SEPTIN7: variants seen among roughly 807,000 people sequenced by gnomAD.
SEPTIN7 encodes septin 7.
SEPTIN7 carries 10 observed loss-of-function variants against 63.3 expected under a neutral mutation model. That is an observed-to-expected ratio of 0.16 (90% CI 0.10 to 0.27). The LOEUF is 0.27. SEPTIN7 is among the 10% of genes least tolerant of loss of function. The pLI, the probability that SEPTIN7 is intolerant of heterozygous loss-of-function variation, is 1.00. For missense variants in SEPTIN7, 310 were observed against 521.0 expected (o/e 0.59, Z 3.94); for synonymous variants, 131 against 165.3 (o/e 0.79, Z 1.59).
Position 35,890,653 on chromosome 7 carries a change from G to C in SEPTIN7, c.873-15G>C. The C allele has an allele frequency of 6.9e-7, 1 of 1,452,506 alleles. No individual in the cohort carries two copies. 90.0% of individuals were successfully genotyped at this position (1,452,506 alleles called of 1,614,324 possible). On this transcript the variant is annotated splice_polypyrimidine_tract_variant and intron_variant, in intron 10 of 13. Transcript: ENST00000350320. ...CTATTAATAGAAGCAAACTCTTGCT[G>C]TTTGTTTATGACAGAACACACATGC...
intron 12 of SEPTIN7, chr7:35,899,521 C>G (rs542772951): frequency 2.6e-5 from 4 of 152,304 alleles, no homozygotes; most frequent in African/African-American, 9.6e-5. Context: ...GGCGACAGAT[C>G]AAGACTTTGC....
At chr7:35,829,288 C>T (rs1307344517) in intron 1 of SEPTIN7, among the ~76,000 whole-genome samples, 1 of 151,874 alleles carries the variant, frequency 6.6e-6, no homozygotes, top group African/African-American at 2.4e-5. Flanking sequence ...TACAGGCACA[C>T]ATTGTCAGTC....
chr7:35,814,738 G>A (rs542921539), intron 1 of SEPTIN7, among the ~76,000 whole-genome samples: 2 of 151,938 alleles, frequency 1.3e-5, no homozygotes, highest in Non-Finnish European at 2.9e-5. Flanking sequence ...CACTTTGGGT[G>A]GCCAACGTGG....
intron 2 of SEPTIN7, among the ~76,000 whole-genome samples, chr7:35,832,429 T>G (rs1248888689): frequency 1.3e-5 from 2 of 152,070 alleles, no homozygotes; most frequent in African/African-American, 4.8e-5. Context: ...ATTCTTAATA[T>G]GATATGAAGG....
At chr7:35,914,831 C>T in the SEPTIN7 span, among the ~76,000 whole-genome samples, 6 of 151,370 alleles carry the variant, frequency 4.0e-5, no homozygotes, top group East Asian at 1.9e-4. Context: ...TAGATATGTA[C>T]GTGTGTGTAT....
intron 3 of SEPTIN7, among the ~76,000 whole-genome samples, chr7:35,855,424 G>A (rs1162907297): frequency 1.3e-5 from 2 of 152,140 alleles, no homozygotes; most frequent in East Asian, 3.8e-4. Flanking sequence ...CAAAAGGCAT[G>A]TAGATTTAAA....
Position 35,870,670 on chromosome 7 carries a change from C to G in SEPTIN7, c.277-1996C>G, listed in dbSNP as rs17172612. On this transcript the variant is annotated intron_variant, in intron 4 of 13. Coordinates refer to ENST00000350320, the MANE Select transcript of SEPTIN7 (RefSeq NM_001788.6). ...AGATCACCAGATAAAATGTAAACCT[C>G]CTAAACTAGATGAGATGATACCATT... 2.7e-3 allele frequency among the ~76,000 whole-genome samples: 403 copies of G among 152,036 alleles called. 2 individuals are homozygous for G. Among genetic ancestry groups the G allele is most frequent in the African/African-American group, 9.3e-3 (386 of 41,452 alleles).
At chr7:35,912,972 G>GTAAC in the SEPTIN7 span, among the ~76,000 whole-genome samples, 1 of 152,172 alleles carries the variant, frequency 6.6e-6, no homozygotes, top group Non-Finnish European at 1.5e-5. Context: ...GTAACTGCTT[G>GTAAC]TGCTTTTTTG....
chr7:35,815,950 A>G (rs1789030123), intron 1 of SEPTIN7, among the ~76,000 whole-genome samples: 1 of 152,036 alleles, frequency 6.6e-6, no homozygotes, highest in Admixed American at 6.6e-5. Flanking sequence ...GAGGTAATGG[A>G]TCTCATCAGT....
At chr7:35,888,823 CAAAAAAAA>C (rs70974780) in intron 10 of SEPTIN7, 14 of 187,784 alleles carry the variant, frequency 7.5e-5, no homozygotes, top group Admixed American at 1.4e-4. Context: ...GACCCTGTAT[CAAAAAAAA>C]AAAAAAAAAA....
chr7:35,814,340 A>C (rs139161439), intron 1 of SEPTIN7, among the ~76,000 whole-genome samples: 1 of 152,142 alleles, frequency 6.6e-6, no homozygotes, highest in South Asian at 2.1e-4. Context: ...GAGATAACTT[A>C]CTGTAATTTT....
chr7:35,808,599 T>C (rs1788501642), intron 1 of SEPTIN7, among the ~76,000 whole-genome samples: 1 of 152,164 alleles, frequency 6.6e-6, no homozygotes, highest in East Asian at 1.9e-4. Flanking sequence ...GCGTCTCTGC[T>C]TCCAAGATGG....
At chr7:35,896,648 T>G (rs1562588345) in intron 11 of SEPTIN7, among the ~76,000 whole-genome samples, 1 of 152,204 alleles carries the variant, frequency 6.6e-6, no homozygotes, top group Non-Finnish European at 1.5e-5. Context: ...TATTTACACT[T>G]GAAAATGTTT....
chr7:35,818,823 C>G (rs1328901485), intron 1 of SEPTIN7, among the ~76,000 whole-genome samples: 1 of 151,424 alleles, frequency 6.6e-6, no homozygotes, highest in African/African-American at 2.4e-5. Flanking sequence ...TCCCTTCTTT[C>G]ATTCCTGATT....
intron 10 of SEPTIN7, among the ~76,000 whole-genome samples, chr7:35,888,549 G>A (rs982470906): frequency 1.3e-5 from 2 of 152,124 alleles, no homozygotes; most frequent in African/African-American, 2.4e-5. Flanking sequence ...GCCAGGTGCA[G>A]TGGTTCACAC....
chr7:35,879,756 G>A, intron 6 of SEPTIN7, 67 bp from the exon 7 acceptor site: 1 of 836,100 alleles, frequency 1.2e-6, no homozygotes, highest in Non-Finnish European at 2.0e-6. Flanking sequence ...AACTAGCATT[G>A]GGGATGTGAA....
chr7:35,854,139 T>G (rs1785087036), intron 3 of SEPTIN7, among the ~76,000 whole-genome samples: 1 of 152,178 alleles, frequency 6.6e-6, no homozygotes, highest in African/African-American at 2.4e-5. Flanking sequence ...AATGCAAATA[T>G]TCTAAAATTT....
At chr7:35,867,782 T>G (rs1456620670) in intron 4 of SEPTIN7, among the ~76,000 whole-genome samples, 1 of 152,246 alleles carries the variant, frequency 6.6e-6, no homozygotes, top group Non-Finnish European at 1.5e-5. Context: ...AAGATAATTC[T>G]TTTGTGCAAT....
intron 5 of SEPTIN7, among the ~76,000 whole-genome samples, chr7:35,873,425 G>T (rs1786278617): frequency 6.6e-6 from 1 of 151,842 alleles, no homozygotes; most frequent in South Asian, 2.1e-4. Context: ...GCTGTGTTTC[G>T]ACAGTAAATA....
Sources: allele counts gnomAD v4.1 joint callset (sites outside exome capture counted in the v4.1 genomes callset), GRCh38; gene constraint gnomAD v4.1.1; transcripts MANE v1.5; gene names NCBI Gene and HGNC (gene_info 2026-07-23, HGNC 2026-07-21).